The following CACNG6 variants were observed in gnomAD, a reference collection of about 807,000 sequenced individuals.
CACNG6 encodes the protein calcium voltage-gated channel auxiliary subunit gamma 6.
Under a neutral mutation model 23.9 loss-of-function variants are expected in CACNG6, and 21 were observed. That is an observed-to-expected ratio of 0.88 (90% confidence interval 0.62 to 1.26). CACNG6 has a LOEUF of 1.26. Ranked by LOEUF, CACNG6 falls within the 50% of genes most tolerant of loss-of-function variation. The probability of loss-of-function intolerance (pLI) is 0.00; values close to 1 mark genes in which losing one functional copy is unlikely to be tolerated. For synonymous variants in CACNG6, 182 were observed against 168.9 expected, an observed-to-expected ratio of 1.08 and a Z score of -0.60; for missense variants, 340 against 352.9, an observed-to-expected ratio of 0.96 and a Z score of 0.29.
At chr19:53,994,429 T>A (rs747174259) in intron 1 of CACNG6, among the ~76,000 whole-genome samples, 10 of 152,148 alleles carry the variant, frequency 6.6e-5, no homozygotes, top group Non-Finnish European at 1.5e-4. Context: ...GGCAGAGAGC[T>A]GTTCCATACC....
chr19:54,000,719 C>T (rs554662241), intron 3 of CACNG6, among the ~76,000 whole-genome samples: 1 of 152,148 alleles, frequency 6.6e-6, no homozygotes, highest in African/African-American at 2.4e-5. Flanking sequence ...GCTGGGATTA[C>T]AAGCAGGCAC....
intron 1 of CACNG6, among the ~76,000 whole-genome samples, chr19:53,994,033 C>T (rs4806481): frequency 0.29 from 44,420 of 151,820 alleles, 7,266 homozygotes; most frequent in East Asian, 0.44. Context: ...AGTGCCTGTG[C>T]CCTGGAGACA....
chr19:54,006,594 ATCTC>A (rs1267359288), intron 3 of CACNG6, among the ~76,000 whole-genome samples: 1 of 125,818 alleles, frequency 7.9e-6, no homozygotes, highest in Non-Finnish European at 1.6e-5. Flanking sequence ...CAGTGGTGTG[ATCTC>A]TCTCTGCTCA....
intron 3 of CACNG6, among the ~76,000 whole-genome samples, chr19:54,002,295 T>TTTTTTG (rs1568815148): frequency 6.2e-5 from 9 of 146,260 alleles, no homozygotes; most frequent in African/African-American, 2.1e-4. Context: ...TTTTTTTTTT[T>TTTTTTG]TTTGTAGAGA....
intron 3 of CACNG6, among the ~76,000 whole-genome samples, chr19:54,003,281 G>A (rs1489496204): frequency 6.6e-6 from 1 of 152,188 alleles, no homozygotes; most frequent in African/African-American, 2.4e-5. Flanking sequence ...CCTGCTCCAC[G>A]CTGCGAGAGT....
In CACNG6 at chr19:53,992,852, C is replaced by A; in HGVS notation, c.-26C>A. ...GCCCTTCGCCGGCTCTGCCTCCTCC[C>A]CCTTCCCGACCCCACCGGCCATAAG... On this transcript the variant is annotated 5_prime_UTR_variant, in exon 1 of 4. Coordinates refer to ENST00000252729, the MANE Select transcript of CACNG6 (RefSeq NM_145814.2). The surrounding 1 kb of genome is among the most constrained non-coding windows in gnomAD (Gnocchi z 4.1). 7.3e-7 allele frequency: 1 copy of A among 1,365,276 alleles called. No individual in the cohort carries two copies. 84.6% of individuals were successfully genotyped at this position (1,365,276 alleles called of 1,614,324 possible).
At chr19:54,008,506 TCA>T in intron 3 of CACNG6, among the ~76,000 whole-genome samples, 1 of 152,270 alleles carries the variant, frequency 6.6e-6, no homozygotes, top group East Asian at 1.9e-4. Context: ...TGCGTGACTC[TCA>T]GACGGTCCTG....
rs1217342791 is a variant in CACNG6 at position 54,012,322 on chromosome 19, C to G, written c.*133C>G. ...TCGGGGGCCCATGTTTTTTTACACG[C>G]CTGCCTCCTGTCCCCTTATCCTTTC... On this transcript the variant is annotated 3_prime_UTR_variant, in exon 4 of 4. Transcript: ENST00000252729. The G allele has an allele frequency of 6.2e-6, 3 of 480,178 alleles. No homozygotes were observed. The highest frequency in any genetic ancestry group is 1.1e-5 in the Non-Finnish European group (3 of 269,596). The allele number at this position is 480,178 out of a possible 1,614,324, so 29.7% of individuals were successfully genotyped here.
intron 3 of CACNG6, among the ~76,000 whole-genome samples, chr19:54,002,484 CTTT>C (rs11305908): frequency 5.7e-5 from 8 of 141,470 alleles, no homozygotes; most frequent in Admixed American, 7.2e-5. Flanking sequence ...TCTATTTCTC[CTTT>C]TTTTTTTTTT....
At chr19:53,996,065 C>T (rs2069518162) in intron 1 of CACNG6, among the ~76,000 whole-genome samples, 1 of 152,230 alleles carries the variant, frequency 6.6e-6, no homozygotes. Context: ...TGGGGAGCGC[C>T]CGCCCACACC....
chr19:54,006,124 T>TAAATAAATA (rs1555819036), intron 3 of CACNG6, among the ~76,000 whole-genome samples: 4 of 35,476 alleles, frequency 1.1e-4, no homozygotes, highest in Non-Finnish European at 3.7e-4. Context: ...ATAAATAAAA[T>TAAATAAATA]AAGAAAGAAA....
chr19:54,005,324 G>A (rs2069631703), intron 3 of CACNG6, among the ~76,000 whole-genome samples: 4 of 151,060 alleles, frequency 2.6e-5, no homozygotes, highest in Admixed American at 2.6e-4. Flanking sequence ...ACTTTGGGAG[G>A]GCGAGGTACG....
Position 54,002,333 on chromosome 19 carries a change from G to A in CACNG6, c.544+2562G>A, listed in dbSNP as rs924906729. ...GGGTTTCGCTGTGTTGCCCAGGCTG[G>A]TCTCCAACTCCTGAGCTCAAGTGAT... On this transcript the variant is annotated intron_variant, in intron 3 of 3. Transcript: ENST00000252729. Among the ~76,000 whole-genome samples the A allele has an allele frequency of 1.4e-4, 20 of 140,456 alleles. No individual in the cohort carries two copies. In the Middle Eastern group the frequency reaches 0.011, roughly 79 times the overall value. 92.1% of individuals were successfully genotyped at this position (140,456 alleles called of 152,430 possible).
Position 54,006,522 on chromosome 19 carries a change from CTTTTTTT to C in CACNG6, c.545-5413_545-5407del, listed in dbSNP as rs766609552. On this transcript the variant is annotated intron_variant, in intron 3 of 3. Transcript: ENST00000252729. ...GTGTCCCCAGTTCCTTCTTTCTTTT[CTTTTTTT>C]TTTTTTTTTTTTTTTGTTGAGTCAG... Among the ~76,000 whole-genome samples, 580 of 34,186 alleles carry C rather than the reference CTTTTTTT, an allele frequency of 0.017. 6 individuals carry two copies. In the Admixed American group the frequency reaches 0.17, roughly 10 times the overall value. 22.4% of individuals were successfully genotyped at this position (34,186 alleles called of 152,430 possible). A position where few individuals can be genotyped will look rare whatever the true frequency, so the allele number is the denominator to read the frequency against.
intron 3 of CACNG6, among the ~76,000 whole-genome samples, chr19:54,010,827 G>A (rs933528877): frequency 3.3e-5 from 5 of 151,830 alleles, no homozygotes; most frequent in African/African-American, 7.3e-5. Context: ...GCAATCCTTC[G>A]TCCTCGGCGT....
At chr19:53,991,568 G>T (rs1033024319), upstream of CACNG6, among the ~76,000 whole-genome samples, 1 of 140,594 alleles carries the variant, frequency 7.1e-6, no homozygotes, top group African/African-American at 2.5e-5. Flanking sequence ...GCCCGAAATA[G>T]CCCCGAGGGT....
chr19:54,011,182 G>A (rs112715249), intron 3 of CACNG6, among the ~76,000 whole-genome samples: 12,501 of 90,434 alleles, frequency 0.14, 1,288 homozygotes, highest in African/African-American at 0.33. Flanking sequence ...GTGAAACCCC[G>A]TCTCTACTAA....
intron 1 of CACNG6, among the ~76,000 whole-genome samples, 171 bp downstream of exon 1, chr19:53,993,379 CTGAGAGATAGAGGGA>C: frequency 6.6e-6 from 1 of 152,210 alleles, no homozygotes; most frequent in South Asian, 2.1e-4. Flanking sequence ...TCAGAAACTG[CTGAGAGATAGAGGGA>C]TCCCCCAGAT....
intron 3 of CACNG6, among the ~76,000 whole-genome samples, chr19:54,011,190 T>TAAAAAAAAAAAAAAAAAA (rs142489178): frequency 8.4e-5 from 5 of 59,212 alleles, no homozygotes; most frequent in East Asian, 6.9e-4. Flanking sequence ...CCGTCTCTAC[T>TAAAAAAAAAAAAAAAAAA]AAAAAAAAAA....
Sources: gnomAD v4.1 joint callset for allele counts (sites outside exome capture counted in the v4.1 genomes callset) on GRCh38, gnomAD v4.1.1 for gene constraint, Gnocchi (gnomAD v3.1) non-coding constraint, MANE v1.5 for transcripts, NCBI Gene and HGNC (gene_info 2026-07-23, HGNC 2026-07-21) for gene names.